The following SLC24A3 variants were observed in gnomAD, a reference collection of about 807,000 sequenced individuals.
The protein encoded by SLC24A3 is solute carrier family 24 member 3.
In SLC24A3, 28 loss-of-function variants were observed where a neutral mutation model predicts 75.8. The ratio of observed to expected loss-of-function variants is 0.37; its 90% confidence interval spans 0.27 to 0.51. The LOEUF (loss-of-function observed/expected upper bound fraction) is 0.51. Ranked by LOEUF, SLC24A3 falls within the 20% of genes least tolerant of loss-of-function variation. The pLI is 0.94. For synonymous variants in SLC24A3, 372 were observed against 334.1 expected (o/e 1.11, Z -1.24); for missense variants, 663 against 847.8 (o/e 0.78, Z 2.71).
chr20:19,639,078 G>A (rs907741955), intron 6 of SLC24A3, among the ~76,000 whole-genome samples: 2 of 152,116 alleles, frequency 1.3e-5, no homozygotes, highest in Admixed American at 1.3e-4. Flanking sequence ...ACATCCTGCT[G>A]ATTGGTAGAG....
intron 6 of SLC24A3, among the ~76,000 whole-genome samples, chr20:19,629,049 G>T (rs1158757043): frequency 6.6e-6 from 1 of 151,894 alleles, no homozygotes; most frequent in Non-Finnish European, 1.5e-5. Flanking sequence ...TCCAGTAACT[G>T]ACCCAAAAGA....
chr20:19,239,910 G>C (rs189034597), intron 1 of SLC24A3, among the ~76,000 whole-genome samples: 6 of 152,296 alleles, frequency 3.9e-5, no homozygotes, highest in African/African-American at 1.4e-4. Flanking sequence ...TCGTTGGACT[G>C]TATGGGACCC....
At chr20:19,281,918 G>A (rs1272606379) in intron 2 of SLC24A3, among the ~76,000 whole-genome samples, 1 of 152,122 alleles carries the variant, frequency 6.6e-6, no homozygotes, top group African/African-American at 2.4e-5. Context: ...GATGGAGTAG[G>A]TCTGTAGCCA....
chr20:19,583,006 C>G (rs1054461544), intron 4 of SLC24A3, among the ~76,000 whole-genome samples: 1 of 152,158 alleles, frequency 6.6e-6, no homozygotes, highest in African/African-American at 2.4e-5. Context: ...ACACTACTCA[C>G]CCCTCTGACG....
At chr20:19,235,359 G>C (rs1043264919) in intron 1 of SLC24A3, among the ~76,000 whole-genome samples, 5 of 152,186 alleles carry the variant, frequency 3.3e-5, no homozygotes, top group Non-Finnish European at 7.3e-5. Flanking sequence ...TGCGGCTCTG[G>C]GTCCCTGTAT....
intron 2 of SLC24A3, among the ~76,000 whole-genome samples, chr20:19,504,039 C>T (rs1469598979): frequency 3.9e-5 from 6 of 152,138 alleles, no homozygotes; most frequent in Admixed American, 2.6e-4. Flanking sequence ...TTCCTATTCC[C>T]CTAACCATGG....
At chr20:19,663,036 C>T (rs138917445) in intron 7 of SLC24A3, among the ~76,000 whole-genome samples, 147 of 152,256 alleles carry the variant, frequency 9.7e-4, no homozygotes, top group African/African-American at 3.4e-3. Context: ...AGCTCATCTC[C>T]ACCTTCTTTC....
intron 3 of SLC24A3, among the ~76,000 whole-genome samples, chr20:19,532,162 G>A (rs985019582): frequency 2.0e-5 from 3 of 152,170 alleles, no homozygotes; most frequent in South Asian, 2.1e-4. Flanking sequence ...TGATCTAGAC[G>A]ACGGATCTAA....
chr20:19,281,841 T>C (rs1983673474), intron 2 of SLC24A3, among the ~76,000 whole-genome samples: 1 of 152,180 alleles, frequency 6.6e-6, no homozygotes, highest in Non-Finnish European at 1.5e-5. Flanking sequence ...TTAAAATAAT[T>C]TTTTATAATG....
chr20:19,438,670 G>A (rs1275863594), intron 2 of SLC24A3, among the ~76,000 whole-genome samples: 1 of 152,024 alleles, frequency 6.6e-6, no homozygotes, highest in African/African-American at 2.4e-5. Context: ...CCACTCATTG[G>A]CCTCTGCACC....
chr20:19,700,577 G>A (rs771754659), intron 15 of SLC24A3, among the ~76,000 whole-genome samples: 5 of 152,140 alleles, frequency 3.3e-5, no homozygotes, highest in Admixed American at 3.3e-4. Flanking sequence ...AGCTCTAGAG[G>A]ATTAAATGAC....
chr20:19,511,128 T>C (rs1346522305), intron 2 of SLC24A3, among the ~76,000 whole-genome samples: 1 of 152,010 alleles, frequency 6.6e-6, no homozygotes, highest in Non-Finnish European at 1.5e-5. Flanking sequence ...CTTGAGACAC[T>C]GTGCCAGCCC....
chr20:19,486,325 G>C (rs372691467), intron 2 of SLC24A3, among the ~76,000 whole-genome samples: 38 of 152,204 alleles, frequency 2.5e-4, no homozygotes, highest in African/African-American at 7.5e-4. Context: ...AGAGAATTAG[G>C]GGGTGATGGA....
chr20:19,222,296 T>G (rs1981736303), intron 1 of SLC24A3, among the ~76,000 whole-genome samples: 1 of 152,204 alleles, frequency 6.6e-6, no homozygotes, highest in Non-Finnish European at 1.5e-5. Context: ...TTGTTTTGTC[T>G]TGTTTTTCAT....
chr20:19,693,516 T>C (rs1427913221), intron 13 of SLC24A3, 91 bp downstream of exon 13: 2 of 1,472,164 alleles, frequency 1.4e-6, no homozygotes, highest in South Asian at 1.3e-5. Context: ...ATAACTGTAC[T>C]AGTCAGCTAT....
chr20:19,545,926 G>A (rs541221837), intron 3 of SLC24A3, among the ~76,000 whole-genome samples: 9 of 152,092 alleles, frequency 5.9e-5, no homozygotes, highest in African/African-American at 1.9e-4. Flanking sequence ...TTGGGAGGCC[G>A]AGGCGGGTGG....
intron 2 of SLC24A3, among the ~76,000 whole-genome samples, chr20:19,363,021 A>G (rs917041037): frequency 1.3e-5 from 2 of 152,234 alleles, no homozygotes; most frequent in Non-Finnish European, 1.5e-5. Flanking sequence ...TAGGGCTACA[A>G]CTGCCAAAAC....
chr20:19,692,558 AAAC>A (rs1000576510), intron 12 of SLC24A3, among the ~76,000 whole-genome samples: 17 of 152,208 alleles, frequency 1.1e-4, no homozygotes, highest in African/African-American at 4.1e-4. Context: ...AGAACAGTAA[AAAC>A]AATATCTATG....
chr20:19,281,225 C>T, intron 2 of SLC24A3, 138 bp downstream of exon 2: 1 of 1,284,490 alleles, frequency 7.8e-7, no homozygotes, highest in Non-Finnish European at 1.1e-6. Context: ...GTCTAAGAAA[C>T]TTTCAGGTGA....
Sources: gnomAD v4.1 joint callset for allele counts (sites outside exome capture counted in the v4.1 genomes callset) on GRCh38, gnomAD v4.1.1 for gene constraint, MANE v1.5 for transcripts, NCBI Gene and HGNC (gene_info 2026-07-23, HGNC 2026-07-21) for gene names.